The following ST3GAL5 variants were observed in gnomAD, a reference collection of about 807,000 sequenced individuals.
The protein encoded by ST3GAL5 is ST3 beta-galactoside alpha-2,3-sialyltransferase 5.
A neutral mutation model predicts 46.1 loss-of-function variants in ST3GAL5; 25 were observed. That is an observed-to-expected ratio of 0.54 (90% CI 0.40 to 0.76). The LOEUF (loss-of-function observed/expected upper bound fraction) is 0.76. Ranked by LOEUF, ST3GAL5 falls within the 30% of genes least tolerant of loss-of-function variation. ST3GAL5 has a pLI of 0.00. For missense variants in ST3GAL5, 431 were observed against 521.2 expected (o/e 0.83, Z 1.69); for synonymous variants, 182 against 192.7 (o/e 0.94, Z 0.46).
intron 1 of ST3GAL5, among the ~76,000 whole-genome samples, chr2:85,883,708 T>C (rs1256701490): frequency 6.6e-6 from 1 of 152,124 alleles, no homozygotes; most frequent in Non-Finnish European, 1.5e-5. Flanking sequence ...CCTGAGACGC[T>C]AGAAAAGCAA....
rs112228266 is a variant in ST3GAL5, at chr2:85,839,676, G to T, written c.*468C>A. On this transcript the variant is annotated 3_prime_UTR_variant, in exon 7 of 7. Transcript: ENST00000638572. ...CATCGCAGACCCAGTATCAGCAGCA[G>T]AGCTACGGAGCACGTCATCCTGGGA... is the stretch of plus-strand genomic sequence containing the variant. The T allele has an allele frequency of 2.4e-3, 622 of 263,724 alleles. 1 individual carries two copies. The highest frequency in any genetic ancestry group is 0.013 in the African/African-American group (563 of 44,104). The allele number at this position is 263,724 out of a possible 1,614,324, so 16.3% of individuals were successfully genotyped here. A position where few individuals can be genotyped will look rare whatever the true frequency, so the allele number is the denominator to read the frequency against.
rs1408212938 is a variant in ST3GAL5, at chr2:85,837,533, T to C, written c.*2611A>G. On this transcript the variant is annotated 3_prime_UTR_variant, in exon 7 of 7. Transcript: ENST00000638572. ...GTTTGATAGGTCAGTAGAATGCCTATAGTTTACAATAATTTACTGTGTATT... is the reference window on the plus strand; with the variant it reads ...GTTTGATAGGTCAGTAGAATGCCTACAGTTTACAATAATTTACTGTGTATT... The C allele has an allele frequency of 2.6e-5, 4 of 152,216 alleles. No homozygotes were observed. The highest frequency in any genetic ancestry group is 4.4e-5 in the Non-Finnish European group (3 of 68,032). The allele number at this position is 152,216 out of a possible 1,614,324, so 9.4% of individuals were successfully genotyped here.
At chr2:85,868,325 G>C (rs1305488916) in intron 1 of ST3GAL5, among the ~76,000 whole-genome samples, 1 of 152,174 alleles carries the variant, frequency 6.6e-6, no homozygotes. Flanking sequence ...GGTTTGAGAT[G>C]GGATCTTGCT....
intron 1 of ST3GAL5, among the ~76,000 whole-genome samples, chr2:85,882,014 T>G (rs980231210): frequency 6.6e-6 from 1 of 152,194 alleles, no homozygotes; most frequent in African/African-American, 2.4e-5. Context: ...GCCTAGGGAC[T>G]TAGTGCCCTG....
intron 3 of ST3GAL5, chr2:85,851,728 T>C: frequency 7.8e-7 from 1 of 1,289,194 alleles, no homozygotes; most frequent in Non-Finnish European, 1.0e-6. Context: ...GGAAGCAGTG[T>C]GACTAGGCTG....
chr2:85,888,994 G>A, upstream of ST3GAL5: 1 of 1,030,144 alleles, frequency 9.7e-7, no homozygotes, highest in Non-Finnish European at 1.2e-6. Context: ...TTCAGCTGGG[G>A]GCCGCCGCTC....
At chr2:85,871,885 T>C (rs1685968221) in intron 1 of ST3GAL5, among the ~76,000 whole-genome samples, 2 of 152,182 alleles carry the variant, frequency 1.3e-5, no homozygotes, top group South Asian at 4.1e-4. Context: ...AAGCAGAGAA[T>C]AAACCAACAT....
intron 1 of ST3GAL5, chr2:85,869,938 T>C (rs1685732295): frequency 3.5e-6 from 1 of 285,408 alleles, no homozygotes; most frequent in South Asian, 3.3e-5. Context: ...ACCCAGCCAA[T>C]GGTGAGCGCG....
chr2:85,848,697 G>A lies in ST3GAL5; in HGVS notation c.319-493C>T, dbSNP rs78173398. 889 of 254,552 alleles carry A rather than the reference G, an allele frequency of 3.5e-3. 15 individuals are homozygous for A. Among genetic ancestry groups the A allele is most frequent in the African/African-American group, 0.018 (814 of 45,016 alleles). The allele number at this position is 254,552 out of a possible 1,614,324, so 15.8% of individuals were successfully genotyped here. A position where few individuals can be genotyped will look rare whatever the true frequency, so the allele number is the denominator to read the frequency against. On this transcript the variant is annotated intron_variant, in intron 3 of 6. Coordinates refer to ENST00000638572, the MANE Select transcript of ST3GAL5 (RefSeq NM_003896.4). ...CATGGTTACCAGGGTTGAAGAGAGG[G>A]AGAAAAGGGGAGTTGTTTAATAGGT... is the stretch of plus-strand genomic sequence containing the variant.
intron 2 of ST3GAL5, among the ~76,000 whole-genome samples, chr2:85,862,227 C>T (rs1264984730): frequency 1.3e-5 from 2 of 151,796 alleles, no homozygotes; most frequent in Admixed American, 1.3e-4. Flanking sequence ...GATAAGTGAA[C>T]AGGATGCTAT....
At chr2:85,880,110 G>A (rs1313385092) in intron 1 of ST3GAL5, among the ~76,000 whole-genome samples, 1 of 152,178 alleles carries the variant, frequency 6.6e-6, no homozygotes, top group Non-Finnish European at 1.5e-5. Flanking sequence ...AACCAGAGGA[G>A]TCATAGAAAG....
intron 1 of ST3GAL5, among the ~76,000 whole-genome samples, chr2:85,872,029 C>T (rs990914920): frequency 2.6e-5 from 4 of 152,150 alleles, no homozygotes; most frequent in Non-Finnish European, 5.9e-5. Flanking sequence ...CAAGCCTAGT[C>T]TGCTGCATGC....
At chr2:85,847,686 T>C (rs1682968224) in intron 4 of ST3GAL5, 175 bp downstream of exon 4, 17 of 1,304,512 alleles carry the variant, frequency 1.3e-5, no homozygotes, top group Non-Finnish European at 1.5e-5. Flanking sequence ...TCCCAGCTAC[T>C]GGGGAGGCTG....
intron 1 of ST3GAL5, among the ~76,000 whole-genome samples, chr2:85,875,865 A>T (rs1319774068): frequency 1.3e-5 from 2 of 152,218 alleles, no homozygotes; most frequent in East Asian, 3.9e-4. Context: ...TTATAAGCAG[A>T]CCTACCCACA....
At chr2:85,861,762 G>A (rs995924713) in intron 2 of ST3GAL5, among the ~76,000 whole-genome samples, 1 of 151,204 alleles carries the variant, frequency 6.6e-6, no homozygotes, top group Non-Finnish European at 1.5e-5. Flanking sequence ...TTACCCTTAA[G>A]ATGACCTAAA....
At position 85,863,352 on chromosome 2, in the gene ST3GAL5, C is replaced by T. The variant is rs374393949; in HGVS notation, c.206+10G>A. ...GCAGGGGGATCTACAGTCCCAGGGG[C>T]GGTACTTACTTGAGGATGTCTTTTA... On this transcript the variant is annotated intron_variant, in intron 2 of 6. Coordinates refer to ENST00000638572, the MANE Select transcript of ST3GAL5 (RefSeq NM_003896.4). 3.8e-5 allele frequency: 62 copies of T among 1,613,794 alleles called. No homozygotes were observed. The highest frequency in any genetic ancestry group is 1.5e-4 in the African/African-American group (11 of 74,924).
At chr2:85,864,314 T>C (rs942045901) in intron 1 of ST3GAL5, among the ~76,000 whole-genome samples, 2 of 152,174 alleles carry the variant, frequency 1.3e-5, no homozygotes, top group African/African-American at 4.8e-5. Context: ...GTTTATTTTT[T>C]TTAAAAAGGA....
At position 85,840,091 on chromosome 2, in the gene ST3GAL5, TC is replaced by T; in HGVS notation, c.*52del. ...ATGGAGAAATACATCAAGAAGGCTGTCAAAAACAGCTCTCAGAGTTAGAGTT... is the reference window on the plus strand; with the variant it reads ...ATGGAGAAATACATCAAGAAGGCTGTAAAAACAGCTCTCAGAGTTAGAGTT... On this transcript the variant is annotated 3_prime_UTR_variant, in exon 7 of 7. Transcript: ENST00000638572. The T allele has an allele frequency of 6.2e-7, 1 of 1,613,798 alleles. No individual in the cohort carries two copies. The highest frequency in any genetic ancestry group is 1.1e-5 in the South Asian group (1 of 90,996).
chr2:85,871,823 G>C (rs1272174372), intron 1 of ST3GAL5, among the ~76,000 whole-genome samples: 1 of 152,204 alleles, frequency 6.6e-6, no homozygotes, highest in Non-Finnish European at 1.5e-5. Flanking sequence ...TTCTAAAATA[G>C]TGAAGTCACA....
Sources: gnomAD v4.1 joint callset for allele counts (sites outside exome capture counted in the v4.1 genomes callset) on GRCh38, gnomAD v4.1.1 for gene constraint, MANE v1.5 for transcripts, NCBI Gene and HGNC (gene_info 2026-07-23, HGNC 2026-07-21) for gene names.